CTNNA3: variants seen among roughly 807,000 people sequenced by gnomAD.
The protein encoded by CTNNA3 is catenin alpha-3.
CTNNA3 carries 76 observed loss-of-function variants against 95.7 expected under a neutral mutation model. The observed-to-expected ratio is 0.79, with a 90% confidence interval of 0.66 to 0.96. The LOEUF (loss-of-function observed/expected upper bound fraction) is 0.96, where lower values mean the gene tolerates loss of function less well. CTNNA3 is among the 40% of genes least tolerant of loss of function. The pLI is 0.00. For synonymous variants in CTNNA3, 431 were observed against 374.4 expected (o/e 1.15, Z -1.74); for missense variants, 1,191 against 1,089.8 (o/e 1.09, Z -1.31).
intron 5 of CTNNA3, among the ~76,000 whole-genome samples, chr10:67,438,976 G>C (rs1318181859): frequency 6.6e-6 from 1 of 152,262 alleles, no homozygotes; most frequent in East Asian, 1.9e-4. Context: ...AGCTTTAAAG[G>C]CAGTCTATGA....
At chr10:67,691,696 C>T (rs1053322481) in intron 1 of CTNNA3, among the ~76,000 whole-genome samples, 1 of 151,948 alleles carries the variant, frequency 6.6e-6, no homozygotes, top group Non-Finnish European at 1.5e-5. Flanking sequence ...CTCCACCCAG[C>T]AGCCACCCCG....
At chr10:66,740,274 G>C (rs886247428) in intron 9 of CTNNA3, among the ~76,000 whole-genome samples, 1 of 152,132 alleles carries the variant, frequency 6.6e-6, no homozygotes. Context: ...AATTAGGCTG[G>C]GGCTATTGTA....
intron 5 of CTNNA3, among the ~76,000 whole-genome samples, chr10:67,431,033 G>C (rs1195093549): frequency 6.6e-6 from 1 of 151,926 alleles, no homozygotes. Context: ...AACAAAATGG[G>C]TAAATGGCAT....
intron 11 of CTNNA3, among the ~76,000 whole-genome samples, chr10:66,490,057 G>A (rs143053767): frequency 7.2e-5 from 11 of 152,190 alleles, no homozygotes; most frequent in Non-Finnish European, 1.2e-4. Context: ...TTAGAAAAAC[G>A]GATGACCCCT....
chr10:67,059,331 G>T (rs1033670347), intron 7 of CTNNA3, among the ~76,000 whole-genome samples: 4 of 152,090 alleles, frequency 2.6e-5, no homozygotes, highest in Non-Finnish European at 4.4e-5. Context: ...TTCTATTTCA[G>T]CAGAGAAAAA....
At chr10:66,178,102 T>G (rs2131848206) in intron 13 of CTNNA3, among the ~76,000 whole-genome samples, 1 of 151,838 alleles carries the variant, frequency 6.6e-6, no homozygotes, top group Admixed American at 6.6e-5. Flanking sequence ...AACTCTTACC[T>G]GATTTTGAAT....
intron 7 of CTNNA3, among the ~76,000 whole-genome samples, chr10:66,890,883 T>G (rs1345987991): frequency 6.6e-6 from 1 of 152,030 alleles, no homozygotes; most frequent in African/African-American, 2.4e-5. Context: ...AGTCAAGGTG[T>G]GAAATTCAGA....
At chr10:67,178,631 T>A (rs1008592850) in intron 7 of CTNNA3, among the ~76,000 whole-genome samples, 1 of 152,088 alleles carries the variant, frequency 6.6e-6, no homozygotes, top group Non-Finnish European at 1.5e-5. Context: ...TCTGAATTTG[T>A]ACCTATAAAG....
chr10:67,212,059 TA>T (rs1475128244), intron 6 of CTNNA3, among the ~76,000 whole-genome samples: 3 of 152,108 alleles, frequency 2.0e-5, no homozygotes, highest in Non-Finnish European at 4.4e-5. Context: ...ATAGATTTAA[TA>T]AATATTTGTT....
intron 15 of CTNNA3, among the ~76,000 whole-genome samples, chr10:66,063,219 T>C (rs1267071643): frequency 1.6e-5 from 2 of 128,638 alleles, no homozygotes; most frequent in Non-Finnish European, 3.2e-5. Context: ...TATATAGATA[T>C]AGATATAGAT....
intron 9 of CTNNA3, among the ~76,000 whole-genome samples, chr10:66,657,679 T>A (rs948148845): frequency 1.3e-5 from 2 of 152,218 alleles, no homozygotes; most frequent in African/African-American, 2.4e-5. Flanking sequence ...TGCTTTATAA[T>A]TTTTATTTTA....
chr10:65,913,814 A>C lies in CTNNA3; in HGVS notation c.*6516T>G, dbSNP rs556683910. The C allele has an allele frequency of 6.6e-6, 1 of 152,244 alleles. No individual in the cohort carries two copies. Among genetic ancestry groups the C allele is most frequent in the South Asian group, 2.1e-4 (1 of 4,826 alleles). 9.4% of individuals were successfully genotyped at this position (152,244 alleles called of 1,614,324 possible). Reference sequence around the variant, plus strand: ...CAGGTCAAGGAAATCCCTTAGTAGAAGCTCAACTCTCAGTGAATACCACAG... The same window carrying C: ...CAGGTCAAGGAAATCCCTTAGTAGACGCTCAACTCTCAGTGAATACCACAG... On this transcript the variant is annotated 3_prime_UTR_variant, in exon 18 of 18. Coordinates refer to ENST00000433211, the MANE Select transcript of CTNNA3 (RefSeq NM_013266.4).
chr10:66,507,415 A>G (rs181040617), intron 11 of CTNNA3, among the ~76,000 whole-genome samples: 17 of 152,036 alleles, frequency 1.1e-4, no homozygotes, highest in African/African-American at 3.4e-4. Context: ...AACTATATTC[A>G]CCCTACAGTG....
intron 5 of CTNNA3, among the ~76,000 whole-genome samples, chr10:67,227,632 A>C (rs897546200): frequency 6.6e-6 from 1 of 152,218 alleles, no homozygotes; most frequent in Non-Finnish European, 1.5e-5. Context: ...GCACTAGACA[A>C]GTCATCAAGA....
intron 12 of CTNNA3, among the ~76,000 whole-genome samples, chr10:66,288,336 G>A (rs1243546680): frequency 7.3e-5 from 11 of 150,492 alleles, no homozygotes; most frequent in African/African-American, 2.5e-4. Context: ...TTTGACTTCT[G>A]TAAACTTTTT....
chr10:66,862,151 T>C lies in CTNNA3; in HGVS notation c.1048-86627A>G, dbSNP rs182035201. ...ATCACTTGAAGCCAGGATGTGGAGGTTGCAGTGAGCTGAGATCACGCCACT... is the reference window on the plus strand; with the variant it reads ...ATCACTTGAAGCCAGGATGTGGAGGCTGCAGTGAGCTGAGATCACGCCACT... On this transcript the variant is annotated intron_variant, in intron 7 of 17. Transcript: ENST00000433211. Among the ~76,000 whole-genome samples the C allele has an allele frequency of 2.1e-3, 314 of 152,156 alleles. 3 individuals carry two copies. Among genetic ancestry groups the C allele is most frequent in the African/African-American group, 6.9e-3 (288 of 41,518 alleles).
chr10:67,573,860 G>A (rs1842055727), intron 3 of CTNNA3, among the ~76,000 whole-genome samples: 1 of 151,954 alleles, frequency 6.6e-6, no homozygotes, highest in African/African-American at 2.4e-5. Context: ...TCTGATTACT[G>A]ACTTCAAGGA....
At chr10:66,969,360 G>C (rs1057499030) in intron 7 of CTNNA3, among the ~76,000 whole-genome samples, 1 of 151,876 alleles carries the variant, frequency 6.6e-6, no homozygotes, top group African/African-American at 2.4e-5. Flanking sequence ...GAGTTTTAAT[G>C]GCCTCATATC....
chr10:66,442,016 T>G (rs1220619954), intron 11 of CTNNA3, among the ~76,000 whole-genome samples: 1 of 152,220 alleles, frequency 6.6e-6, no homozygotes, highest in Admixed American at 6.5e-5. Flanking sequence ...TGTAAAATAT[T>G]AATAGTACAT....
Sources: allele counts gnomAD v4.1 joint callset (sites outside exome capture counted in the v4.1 genomes callset), GRCh38; gene constraint gnomAD v4.1.1; transcripts MANE v1.5; gene names NCBI Gene and HGNC (gene_info 2026-07-23, HGNC 2026-07-21).